The following HS6ST3 variants were observed in gnomAD, a reference collection of about 807,000 sequenced individuals.
HS6ST3 encodes heparan sulfate 6-O-sulfotransferase 3.
In HS6ST3, 12 loss-of-function variants were observed where a neutral mutation model predicts 36.7. The observed-to-expected ratio is 0.33, with a 90% confidence interval of 0.21 to 0.53. The LOEUF (loss-of-function observed/expected upper bound fraction) is 0.53, where lower values mean the gene tolerates loss of function less well. Ranked by LOEUF, HS6ST3 falls within the 20% of genes least tolerant of loss-of-function variation. The pLI, the probability that HS6ST3 is intolerant of heterozygous loss-of-function variation, is 0.95. For synonymous variants in HS6ST3, 240 were observed against 257.5 expected, an observed-to-expected ratio of 0.93 and a Z score of 0.65; for missense variants, 584 against 640.9, an observed-to-expected ratio of 0.91 and a Z score of 0.96.
chr13:96,671,597 T>G (rs2056682907), intron 1 of HS6ST3, among the ~76,000 whole-genome samples: 1 of 152,124 alleles, frequency 6.6e-6, no homozygotes, highest in Non-Finnish European at 1.5e-5. Flanking sequence ...CAAGGTTGGT[T>G]CCTTCTGAGG....
chr13:96,639,795 G>T (rs1027696075), intron 1 of HS6ST3, among the ~76,000 whole-genome samples: 3 of 151,946 alleles, frequency 2.0e-5, no homozygotes, highest in African/African-American at 7.2e-5. Flanking sequence ...ATGAGAACAT[G>T]TGGTATTTGG....
chr13:96,725,177 G>C (rs1039680951), intron 1 of HS6ST3, among the ~76,000 whole-genome samples: 1 of 152,146 alleles, frequency 6.6e-6, no homozygotes, highest in Non-Finnish European at 1.5e-5. Flanking sequence ...CATCTCTTTA[G>C]TAGTGTATCT....
chr13:96,826,528 T>C (rs990295164), intron 1 of HS6ST3, among the ~76,000 whole-genome samples: 2 of 152,076 alleles, frequency 1.3e-5, no homozygotes, highest in Admixed American at 6.6e-5. Flanking sequence ...AGGGCAGACA[T>C]GACCAAGACT....
intron 1 of HS6ST3, among the ~76,000 whole-genome samples, chr13:96,160,978 C>G (rs1339939783): frequency 1.3e-5 from 2 of 152,108 alleles, no homozygotes; most frequent in Admixed American, 1.3e-4. Context: ...ATATGAAATC[C>G]TGGTTTGATT....
intron 1 of HS6ST3, among the ~76,000 whole-genome samples, chr13:96,338,314 C>T (rs79667128): frequency 5.0e-3 from 762 of 152,134 alleles, no homozygotes; most frequent in Non-Finnish European, 7.5e-3. Context: ...CTCAGTGCAC[C>T]GGGGAAAGGT....
intron 1 of HS6ST3, among the ~76,000 whole-genome samples, chr13:96,308,947 C>T (rs536161805): frequency 3.9e-5 from 6 of 152,088 alleles, no homozygotes; most frequent in African/African-American, 1.4e-4. Context: ...CTTTGTCTAG[C>T]GTTAAGGAGA....
rs1226478931 is a variant in HS6ST3, at chr13:96,677,534, ATG to A, written c.708-154946_708-154945del. Among the ~76,000 whole-genome samples, 7 of 152,248 alleles carry A rather than the reference ATG, an allele frequency of 4.6e-5. No homozygotes were observed. The South Asian group carries it at 6.2e-4, about 14-fold the overall frequency. ...ACATACATATGTTATATATGCATATATGTGTGTGTGTATATGGATGTTTATAT... is the reference window on the plus strand; with the variant it reads ...ACATACATATGTTATATATGCATATATGTGTGTGTATATGGATGTTTATAT... On this transcript the variant is annotated intron_variant, in intron 1 of 1. Transcript: ENST00000376705.
At chr13:96,355,493 A>G (rs11618704) in intron 1 of HS6ST3, among the ~76,000 whole-genome samples, 3,996 of 152,242 alleles carry the variant, frequency 0.026, 62 homozygotes, top group East Asian at 0.055. Flanking sequence ...CAATAAAGTG[A>G]GTCACATAAA....
chr13:96,106,150 TAA>T (rs1261997824), intron 1 of HS6ST3, among the ~76,000 whole-genome samples: 2 of 152,224 alleles, frequency 1.3e-5, no homozygotes, highest in African/African-American at 4.8e-5. Context: ...TAGTAGTTGT[TAA>T]AGTATTAACG....
At chr13:96,457,160 A>T (rs1226004400) in intron 1 of HS6ST3, among the ~76,000 whole-genome samples, 1 of 152,148 alleles carries the variant, frequency 6.6e-6, no homozygotes, top group Admixed American at 6.6e-5. Flanking sequence ...ACTCTGAAGT[A>T]TATTTCAGTG....
chr13:96,563,041 CAAA>C (rs34175542), intron 1 of HS6ST3, among the ~76,000 whole-genome samples: 4 of 79,388 alleles, frequency 5.0e-5, no homozygotes, highest in Non-Finnish European at 5.7e-5. Context: ...GCAGAAATAG[CAAA>C]AAAAAAAAAA....
chr13:96,445,087 C>T (rs1441557745), intron 1 of HS6ST3, among the ~76,000 whole-genome samples: 1 of 152,158 alleles, frequency 6.6e-6, no homozygotes, highest in Non-Finnish European at 1.5e-5. Flanking sequence ...ATGAATTACC[C>T]TGCATTAGAG....
rs537836820 is a variant in HS6ST3, at chr13:96,594,844, C to T, written c.708-237646C>T. The stretch of plus-strand genomic sequence containing the variant: ...AGTTTTATACTTTCAGGTATTTTTG[C>T]ATTACTCATTATCATTTTTTTCTTT... On this transcript the variant is annotated intron_variant, in intron 1 of 1. Transcript: ENST00000376705. Among the ~76,000 whole-genome samples, 5 of 152,162 alleles carry T rather than the reference C, an allele frequency of 3.3e-5. No individual in the cohort carries two copies. In the South Asian group the frequency reaches 1.0e-3, roughly 32 times the overall value.
intron 1 of HS6ST3, among the ~76,000 whole-genome samples, chr13:96,209,811 T>C (rs993420679): frequency 6.6e-6 from 1 of 152,212 alleles, no homozygotes; most frequent in Non-Finnish European, 1.5e-5. Context: ...GGCTCCAATG[T>C]CACTTCTTCA....
At chr13:96,545,495 A>C (rs903351398) in intron 1 of HS6ST3, among the ~76,000 whole-genome samples, 1 of 152,210 alleles carries the variant, frequency 6.6e-6, no homozygotes, top group Non-Finnish European at 1.5e-5. Context: ...CATGGGCAGA[A>C]GAAGAGTGGG....
At chr13:96,595,466 C>G (rs1344079342) in intron 1 of HS6ST3, among the ~76,000 whole-genome samples, 1 of 149,396 alleles carries the variant, frequency 6.7e-6, no homozygotes, top group Non-Finnish European at 1.5e-5. Context: ...TTTTTTCTCT[C>G]TCTCTCTCTC....
chr13:96,821,239 C>G (rs775356448), intron 1 of HS6ST3, among the ~76,000 whole-genome samples: 2 of 152,340 alleles, frequency 1.3e-5, no homozygotes, highest in Non-Finnish European at 1.5e-5. Context: ...CCTTCTGCTT[C>G]CTGTCCATCC....
intron 1 of HS6ST3, among the ~76,000 whole-genome samples, chr13:96,724,592 T>C (rs1459640286): frequency 6.6e-6 from 1 of 152,220 alleles, no homozygotes; most frequent in East Asian, 1.9e-4. Context: ...GTTTTCATTT[T>C]GGAGACTGTT....
At chr13:96,458,327 G>A (rs1305373814) in intron 1 of HS6ST3, among the ~76,000 whole-genome samples, 2 of 152,070 alleles carry the variant, frequency 1.3e-5, no homozygotes, top group East Asian at 3.9e-4. Flanking sequence ...GAGAGAGAGA[G>A]AAAGACGAAG....
Sources: gnomAD v4.1 joint callset for allele counts (sites outside exome capture counted in the v4.1 genomes callset) on GRCh38, gnomAD v4.1.1 for gene constraint, MANE v1.5 for transcripts, NCBI Gene and HGNC (gene_info 2026-07-23, HGNC 2026-07-21) for gene names.